ERICH5: variants seen among roughly 807,000 people sequenced by gnomAD.
The protein encoded by ERICH5 is glutamate rich 5, also known as glutamate-rich protein 5.
A neutral mutation model predicts 28.0 loss-of-function variants in ERICH5; 24 were observed. The ratio of observed to expected loss-of-function variants is 0.86; its 90% CI spans 0.62 to 1.21. The LOEUF (loss-of-function observed/expected upper bound fraction) is 1.21, where lower values mean the gene tolerates loss of function less well. Among genes scored for constraint, ERICH5 ranks in the 50% most tolerant of loss-of-function variants. The pLI is 0.00. For missense variants in ERICH5, 421 were observed against 441.2 expected (o/e 0.95, Z 0.41); for synonymous variants, 163 against 157.6 (o/e 1.03, Z -0.25).
rs748209762 is a variant in ERICH5 at position 98,089,245 on chromosome 8, T to C, written c.228T>C (p.Val76=). The change falls in exon 2 of 3, where the codon GTT becomes GTC. Residue 76 remains valine (V), a synonymous_variant. Transcript: ENST00000318528. ...KVSAEPTANG[V]KPLQEQPLAK... ...CAGCAGAGCCTACAGCTAATGGTGTTAAACCCCTCCAAGAACAGCCCCTGG... is the reference window on the plus strand; with the variant it reads ...CAGCAGAGCCTACAGCTAATGGTGTCAAACCCCTCCAAGAACAGCCCCTGG... The C allele has an allele frequency of 6.2e-7, 1 of 1,614,162 alleles. No homozygotes were observed. Among genetic ancestry groups the C allele is most frequent in the Non-Finnish European group, 8.5e-7 (1 of 1,180,028 alleles).
intron 2 of ERICH5, 83 bp from the exon 3 acceptor site, chr8:98,093,138 C>A: frequency 1.4e-6 from 1 of 729,704 alleles, no homozygotes; most frequent in Non-Finnish European, 2.2e-6. Flanking sequence ...TCAAGAACTG[C>A]CCCCATTGGA....
At chr8:98,078,915 T>G (rs1406980087) in intron 1 of ERICH5, among the ~76,000 whole-genome samples, 6 of 152,216 alleles carry the variant, frequency 3.9e-5, no homozygotes, top group Non-Finnish European at 8.8e-5. Flanking sequence ...GTCTCCTGTT[T>G]GTGGACAAAA....
At chr8:98,066,497 TAATG>T (rs1044733590) in intron 1 of ERICH5, among the ~76,000 whole-genome samples, 46 of 152,298 alleles carry the variant, frequency 3.0e-4, no homozygotes, top group African/African-American at 1.1e-3. Flanking sequence ...TCTCAGAAAA[TAATG>T]AATAACTTTA....
At chr8:98,091,899 TC>T (rs60573007) in intron 2 of ERICH5, among the ~76,000 whole-genome samples, 13,754 of 52,900 alleles carry the variant, frequency 0.26, 877 homozygotes, top group Middle Eastern at 0.32. Context: ...TTTCTTTCTT[TC>T]CTTTCTTTCT....
intron 2 of ERICH5, among the ~76,000 whole-genome samples, chr8:98,091,887 T>C (rs1177938403): frequency 1.2e-4 from 10 of 84,350 alleles, no homozygotes; most frequent in African/African-American, 4.7e-4. Flanking sequence ...TTTCTTTCTT[T>C]CTTTCTTTCT....
chr8:98,081,665 C>A (rs528210645), intron 1 of ERICH5, among the ~76,000 whole-genome samples: 1 of 152,186 alleles, frequency 6.6e-6, no homozygotes, highest in Admixed American at 6.5e-5. Flanking sequence ...CTGTGGCTTA[C>A]GCCTGTAACC....
At position 98,089,657 on chromosome 8, in the gene ERICH5, C is replaced by G; in HGVS notation, c.640C>G (p.Gln214Glu). The change falls in exon 2 of 3, where the codon CAG becomes GAG. Residue 214 changes from glutamine to glutamate, a missense_variant. Coordinates refer to ENST00000318528, the MANE Select transcript of ERICH5 (RefSeq NM_173549.3). The part of the protein sequence containing the change: ...QPQGTVGKDE[Q>E]APLLETISKE... ...TCAGGGCACAGTGGGAAAGGATGAG[C>G]AGGCCCCGCTTCTAGAAACAATTTC... 6.2e-7 allele frequency: 1 copy of G among 1,614,116 alleles called. No homozygotes were observed. Among genetic ancestry groups the G allele is most frequent in the Non-Finnish European group, 8.5e-7 (1 of 1,180,030 alleles).
Position 98,089,298 on chromosome 8 carries a change from C to T in ERICH5, c.281C>T (p.Ala94Val). Residue 94 changes from alanine (A) to valine (V), a missense_variant, in exon 2 of 3, where the codon GCC becomes GTC. Transcript: ENST00000318528. Reference sequence around the variant, plus strand: ...AAGGACGTAGCCCCTGGAAGGGATGCCACAGACCAATCAGGGTCCACAGAA... The same window carrying T: ...AAGGACGTAGCCCCTGGAAGGGATGTCACAGACCAATCAGGGTCCACAGAA... ...LAKDVAPGRD[A>V]TDQSGSTEKT... 1.2e-6 allele frequency: 2 copies of T among 1,614,218 alleles called. No homozygotes were observed. Among genetic ancestry groups the T allele is most frequent in the Non-Finnish European group, 1.7e-6 (2 of 1,180,036 alleles).
intron 1 of ERICH5, among the ~76,000 whole-genome samples, chr8:98,077,105 A>G (rs1293612216): frequency 2.0e-5 from 3 of 152,122 alleles, no homozygotes; most frequent in African/African-American, 7.2e-5. Flanking sequence ...TCTATTAAAA[A>G]AAAAAAAGGA....
intron 1 of ERICH5, among the ~76,000 whole-genome samples, chr8:98,079,563 A>G (rs1293073896): frequency 6.6e-6 from 1 of 152,064 alleles, no homozygotes; most frequent in Non-Finnish European, 1.5e-5. Context: ...TTTTGAGATG[A>G]AGTCTCGCTC....
intron 1 of ERICH5, among the ~76,000 whole-genome samples, chr8:98,072,234 G>A (rs965141945): frequency 1.3e-5 from 2 of 152,212 alleles, no homozygotes; most frequent in Non-Finnish European, 2.9e-5. Flanking sequence ...AGGGCAGCCA[G>A]GTGGGATCCT....
rs1467029208 is a variant in ERICH5, at chr8:98,091,897, TTTC to T, written c.1013-1323_1013-1321del. On this transcript the variant is annotated intron_variant, in intron 2 of 2. Transcript: ENST00000318528. ...CTTTCTTTCTTTCTTTCTTTCTTTC[TTTC>T]CTTTCTTTCTTTCTTTCTTCCTTTC... is the stretch of plus-strand genomic sequence containing the variant. Among the ~76,000 whole-genome samples, 97 of 45,498 alleles carry T rather than the reference TTTC, an allele frequency of 2.1e-3. 2 individuals carry two copies. The highest frequency in any genetic ancestry group is 6.1e-3 in the Admixed American group (22 of 3,634). The allele number at this position is 45,498 out of a possible 152,430, so 29.8% of individuals were successfully genotyped here.
At chr8:98,086,985 A>T (rs1815293660) in intron 1 of ERICH5, among the ~76,000 whole-genome samples, 1 of 151,786 alleles carries the variant, frequency 6.6e-6, no homozygotes, top group Non-Finnish European at 1.5e-5. Context: ...TGAATGTGTA[A>T]TTGGAGAGAG....
intron 1 of ERICH5, among the ~76,000 whole-genome samples, chr8:98,075,754 A>C (rs1035734743): frequency 7.1e-6 from 1 of 140,324 alleles, no homozygotes; most frequent in Non-Finnish European, 1.5e-5. Flanking sequence ...CACAGTTGCT[A>C]ACTGCTAACT....
Position 98,064,639 on chromosome 8 carries a change from A to C in ERICH5, c.-31A>C, listed in dbSNP as rs1338994883. On this transcript the variant is annotated 5_prime_UTR_variant, in exon 1 of 3. Transcript: ENST00000318528. ...CCCGGTTCCGGGCCGACACCCGCGC[A>C]GGGCTGAGACAGGTGTCTGCGCTCC... 2.7e-6 allele frequency: 4 copies of C among 1,490,114 alleles called. No individual in the cohort carries two copies. The highest frequency in any genetic ancestry group is 3.6e-6 in the Non-Finnish European group (4 of 1,113,256). 92.3% of individuals were successfully genotyped at this position (1,490,114 alleles called of 1,614,324 possible).
rs548610688 is a variant in ERICH5 at position 98,083,352 on chromosome 8, G to A, written c.59-5724G>A. On this transcript the variant is annotated intron_variant, in intron 1 of 2. Transcript: ENST00000318528. ...GATATCTAAATGCATTGTTTTCTCAGGATGAATTTCTTTTTAGACCTGAAA... is the reference window on the plus strand; with the variant it reads ...GATATCTAAATGCATTGTTTTCTCAAGATGAATTTCTTTTTAGACCTGAAA... 1.6e-3 allele frequency among the ~76,000 whole-genome samples: 238 copies of A among 152,162 alleles called. 1 individual carries two copies. Among genetic ancestry groups the A allele is most frequent in the African/African-American group, 5.6e-3 (231 of 41,528 alleles).
Position 98,089,200 on chromosome 8 carries a change from C to T in ERICH5, c.183C>T (p.Pro61=). ...DGNVQRESRP[P]LQKLKVSAEP... is the part of the protein sequence containing the mutation. ...ATGTACAAAGGGAAAGCCGTCCTCC[C>T]TTACAAAAGCTCAAGGTTTCAGCAG... Residue 61 remains proline, a synonymous_variant, in exon 2 of 3, where the codon CCC becomes CCT. Coordinates refer to ENST00000318528, the MANE Select transcript of ERICH5 (RefSeq NM_173549.3). 6.2e-7 allele frequency: 1 copy of T among 1,614,202 alleles called. No homozygotes were observed. The highest frequency in any genetic ancestry group is 8.5e-7 in the Non-Finnish European group (1 of 1,180,044).
rs749153578 is a variant in ERICH5, at chr8:98,089,204, C to CA, written c.191dup (p.Leu65AlafsTer10). Reference sequence around the variant, plus strand: ...ACAAAGGGAAAGCCGTCCTCCCTTACAAAAGCTCAAGGTTTCAGCAGAGCC... The same window carrying CA: ...ACAAAGGGAAAGCCGTCCTCCCTTACAAAAAGCTCAAGGTTTCAGCAGAGCC... On this transcript the variant is annotated frameshift_variant, in exon 2 of 3. Transcript: ENST00000318528. LOFTEE classifies it high-confidence loss of function. The CA allele has an allele frequency of 5.0e-6, 8 of 1,614,204 alleles. No homozygotes were observed. The South Asian group carries it at 8.8e-5, about 18-fold the overall frequency.
rs1563759686 is a variant in ERICH5 at position 98,091,941 on chromosome 8, CT to C, written c.1013-1277del. Among the ~76,000 whole-genome samples the C allele has an allele frequency of 5.5e-3, 156 of 28,540 alleles. 4 individuals are homozygous for C. The highest frequency in any genetic ancestry group is 0.017 in the African/African-American group (150 of 8,818). The allele number at this position is 28,540 out of a possible 152,430, so 18.7% of individuals were successfully genotyped here. A position where few individuals can be genotyped will look rare whatever the true frequency, so the allele number is the denominator to read the frequency against. The stretch of plus-strand genomic sequence containing the variant: ...TCTTCCTTTCTTTCTTTCTTCCTTT[CT>C]TTCTTTCTTCTTTCTTTCTTTTTTC... On this transcript the variant is annotated intron_variant, in intron 2 of 2. Transcript: ENST00000318528.
Sources: allele counts gnomAD v4.1 joint callset (sites outside exome capture counted in the v4.1 genomes callset), GRCh38; gene constraint gnomAD v4.1.1; transcripts MANE v1.5; gene names NCBI Gene and HGNC (gene_info 2026-07-23, HGNC 2026-07-21).